NOC4L: variants seen among roughly 807,000 people sequenced by gnomAD.
The protein encoded by NOC4L is nucleolar complex protein 4 homolog.
A neutral mutation model predicts 62.8 loss-of-function variants in NOC4L; 40 were observed. That is an observed-to-expected ratio of 0.64 (90% confidence interval 0.49 to 0.83). NOC4L has a LOEUF of 0.83. Among genes scored for constraint, NOC4L ranks in the 40% least tolerant of loss-of-function variants. The probability of loss-of-function intolerance (pLI) is 0.00; values close to 1 mark genes in which losing one functional copy is unlikely to be tolerated. For missense variants in NOC4L, 927 were observed against 701.9 expected (o/e 1.32, Z -3.62); for synonymous variants, 433 against 299.8 (o/e 1.44, Z -4.59).
rs753378722 is a variant in NOC4L, at chr12:132,152,177, C to T, written c.1411C>T (p.Leu471=). 4 of 1,612,136 alleles carry T rather than the reference C, an allele frequency of 2.5e-6. No homozygotes were observed. In the South Asian group the frequency reaches 3.3e-5, roughly 13 times the overall value. The change falls in exon 14 of 15, where the codon CTG becomes TTG. Residue 471 remains leucine, a synonymous_variant. Transcript: ENST00000330579. ...GCCTGAGGTCAGCATCGCGCCACTG[C>T]TGGAGCTCACGGCCTACGAGGTGCG... ...SMPEVSIAPL[L]ELTAYEIFER...
chr12:132,146,687 GT>G (rs1404003173), intron 3 of NOC4L, among the ~76,000 whole-genome samples: 1 of 152,188 alleles, frequency 6.6e-6, no homozygotes, highest in African/African-American at 2.4e-5. Flanking sequence ...AAAATAACCA[GT>G]TTCCACCTTC....
At chr12:132,147,826 C>T in intron 5 of NOC4L, 44 bp downstream of exon 5, 4 of 1,610,654 alleles carry the variant, frequency 2.5e-6, no homozygotes, top group Non-Finnish European at 3.4e-6. Flanking sequence ...TGTTGCCTCC[C>T]AGGGAGGCAG....
At chr12:132,145,419 G>A (rs1331657482) in intron 2 of NOC4L, 140 bp from the exon 3 acceptor site, 2 of 601,558 alleles carry the variant, frequency 3.3e-6, no homozygotes, top group African/African-American at 3.7e-5. Context: ...CACAGGTCTG[G>A]GGGCCTTAGC....
In NOC4L at chr12:132,148,771, G is replaced by T; in HGVS notation, c.790-13G>T. ...CACCCGCCCCTCACCCCCACCTGCC[G>T]GCCCCCGCCCAGCTGCCCCTCAGCC... On this transcript the variant is annotated splice_polypyrimidine_tract_variant and intron_variant, in intron 8 of 14. Coordinates refer to ENST00000330579, the MANE Select transcript of NOC4L (RefSeq NM_024078.3). The T allele has an allele frequency of 1.7e-6, 1 of 603,204 alleles. No homozygotes were observed. The highest frequency in any genetic ancestry group is 4.4e-5 in the South Asian group (1 of 22,756). 37.4% of individuals were successfully genotyped at this position (603,204 alleles called of 1,614,324 possible).
In NOC4L at chr12:132,151,754, C is replaced by T; in HGVS notation, c.1251C>T (p.Pro417=). ...RPHGPELDAD[P]YDPGEEDPAQ... ...CATTCCTAGAGTTGGACGCCGACCCCTACGACCCTGGAGAGGAGGACCCAG... is the reference window on the plus strand; with the variant it reads ...CATTCCTAGAGTTGGACGCCGACCCTTACGACCCTGGAGAGGAGGACCCAG... The change falls in exon 13 of 15, where the codon CCC becomes CCT. Residue 417 remains proline (P), a synonymous_variant. Transcript: ENST00000330579. 1 of 1,612,408 alleles carries T rather than the reference C, an allele frequency of 6.2e-7. No homozygotes were observed. The highest frequency in any genetic ancestry group is 8.5e-7 in the Non-Finnish European group (1 of 1,179,832).
rs748977910 is a variant in NOC4L, at chr12:132,148,914, C to G, written c.901+19C>G. ...GACCTCGGTGAGTGCCGCCGCCTCGCTCACACCACACCCCTAATCCCCTCG... is the reference window on the plus strand; with the variant it reads ...GACCTCGGTGAGTGCCGCCGCCTCGGTCACACCACACCCCTAATCCCCTCG... On this transcript the variant is annotated intron_variant, in intron 9 of 14. Coordinates refer to ENST00000330579, the MANE Select transcript of NOC4L (RefSeq NM_024078.3). 1 of 1,070,842 alleles carries G rather than the reference C, an allele frequency of 9.3e-7. No individual in the cohort carries two copies. Among genetic ancestry groups the G allele is most frequent in the East Asian group, 2.4e-5 (1 of 41,166 alleles). The allele number at this position is 1,070,842 out of a possible 1,614,324, so 66.3% of individuals were successfully genotyped here.
Position 132,151,279 on chromosome 12 carries a change from G to T in NOC4L, c.984G>T (p.Arg328=). 6.2e-7 allele frequency: 1 copy of T among 1,611,888 alleles called. No homozygotes were observed. Among genetic ancestry groups the T allele is most frequent in the South Asian group, 1.1e-5 (1 of 91,084 alleles). ...KHNLEYPDFY[R]KLYGLLDPSV... is the part of the protein sequence containing the mutation. ...GCAGGGAGTACCCTGACTTCTACCGGAAGCTCTACGGCCTCTTGGACCCCT... is the reference window on the plus strand; with the variant it reads ...GCAGGGAGTACCCTGACTTCTACCGTAAGCTCTACGGCCTCTTGGACCCCT... Residue 328 remains arginine (R), a synonymous_variant, in exon 11 of 15, where the codon CGG becomes CGT. Transcript: ENST00000330579.
Position 132,151,550 on chromosome 12 carries a change from C to G in NOC4L, c.1140C>G (p.Pro380=). The G allele has an allele frequency of 1.2e-6, 2 of 1,609,430 alleles. No individual in the cohort carries two copies. The highest frequency in any genetic ancestry group is 1.7e-6 in the Non-Finnish European group (2 of 1,179,124). The change falls in exon 12 of 15, where the codon CCC becomes CCG. Residue 380 remains proline, a synonymous_variant. Transcript: ENST00000330579. ...KRLARLALTA[P]PEALLMVLPF... ...TGGCCCGCCTGGCCCTGACGGCTCC[C>G]CCTGAGGCCCTGCTCATGGTCCTGC...
At position 132,151,196 on chromosome 12, in the gene NOC4L, G is replaced by A. The variant is rs911983172; in HGVS notation, c.963-62G>A. 3.4e-6 allele frequency: 5 copies of A among 1,476,584 alleles called. No homozygotes were observed. The African/African-American group carries it at 6.9e-5, about 20-fold the overall frequency. 91.5% of individuals were successfully genotyped at this position (1,476,584 alleles called of 1,614,324 possible). ...GGAAGGGGCGCCGAGTGAGACCCTG[G>A]CCTTGGAGGCCTCAGTTCCCGGGCC... On this transcript the variant is annotated intron_variant, in intron 10 of 14. Coordinates refer to ENST00000330579, the MANE Select transcript of NOC4L (RefSeq NM_024078.3).
rs188638815 is a variant in NOC4L at position 132,147,500 on chromosome 12, A to G, written c.453+112A>G. 4.6e-5 allele frequency: 67 copies of G among 1,448,654 alleles called. No individual in the cohort carries two copies. In the East Asian group the frequency reaches 1.5e-3, roughly 33 times the overall value. The allele number at this position is 1,448,654 out of a possible 1,614,324, so 89.7% of individuals were successfully genotyped here. ...GCTGAGCCTGGCTGTTGGCTGGGACACTCCTGTGGCTCCTGTGGCCCACCC... is the reference window on the plus strand; with the variant it reads ...GCTGAGCCTGGCTGTTGGCTGGGACGCTCCTGTGGCTCCTGTGGCCCACCC... On this transcript the variant is annotated intron_variant, in intron 4 of 14. Coordinates refer to ENST00000330579, the MANE Select transcript of NOC4L (RefSeq NM_024078.3).
chr12:132,145,630 G>A lies in NOC4L; in HGVS notation c.310G>A (p.Gly104Arg), dbSNP rs779981406. The change falls in exon 3 of 15, where the codon GGA becomes AGA. Residue 104 changes from glycine to arginine, a missense_variant. By Grantham distance (125) the Gly-to-Arg change is moderately radical. Transcript: ENST00000330579. ...CTATCACAGCTGCTGCAATCGCTTG[G>A]GAGAGCTCCTGGGCCACCCCTCCTT... ...HRYHSCCNRL[G>R]ELLGHPSFQV... 51 of 1,613,536 alleles carry A rather than the reference G, an allele frequency of 3.2e-5. No individual in the cohort carries two copies. Among genetic ancestry groups the A allele is most frequent in the Non-Finnish European group, 4.3e-5 (51 of 1,179,890 alleles).
intron 10 of NOC4L, 30 bp from the exon 11 acceptor site, chr12:132,151,228 C>T (rs201265390): frequency 1.3e-6 from 2 of 1,577,702 alleles, no homozygotes; most frequent in Non-Finnish European, 1.7e-6. Context: ...GGCCCTGCTC[C>T]ATCCGCTGCT....
intron 3 of NOC4L, among the ~76,000 whole-genome samples, chr12:132,146,545 C>T (rs1260500900): frequency 6.6e-6 from 1 of 152,158 alleles, no homozygotes; most frequent in East Asian, 1.9e-4. Flanking sequence ...AGACTGTTTT[C>T]CATAGTAGCT....
rs576466306 is a variant in NOC4L at position 132,148,109 on chromosome 12, G to T, written c.738+3G>T. The T allele has an allele frequency of 2.5e-6, 4 of 1,613,316 alleles. No individual in the cohort carries two copies. Among genetic ancestry groups the T allele is most frequent in the Non-Finnish European group, 1.7e-6 (2 of 1,179,954 alleles). On this transcript the variant is annotated splice_donor_region_variant and intron_variant, in intron 7 of 14. Coordinates refer to ENST00000330579, the MANE Select transcript of NOC4L (RefSeq NM_024078.3). ...CCTGGAAGGTTGCTCACCTGAAGGT[G>T]AGTTGCTTCTGGAGAGCCGGGCACC...
intron 3 of NOC4L, among the ~76,000 whole-genome samples, chr12:132,146,798 T>C (rs1593427454): frequency 2.0e-5 from 3 of 152,182 alleles, no homozygotes; most frequent in Admixed American, 1.3e-4. Context: ...GACAGCCGTG[T>C]GCTCCTGTCA....
At position 132,148,822 on chromosome 12, in the gene NOC4L, G is replaced by A. The variant is rs759066417; in HGVS notation, c.828G>A (p.Val276=). The change falls in exon 9 of 15, where the codon GTG becomes GTA. Residue 276 remains valine, a synonymous_variant. Transcript: ENST00000330579. The part of the protein sequence containing the change: ...LSLYKKVLLI[V]HDAILPQLAQ... Reference sequence around the variant, plus strand: ...TCTACAAGAAGGTGCTGCTGATTGTGCATGACGCCATCCTGCCGCAGCTGG... The same window carrying A: ...TCTACAAGAAGGTGCTGCTGATTGTACATGACGCCATCCTGCCGCAGCTGG... The A allele has an allele frequency of 6.2e-6, 10 of 1,603,350 alleles. No homozygotes were observed. Among genetic ancestry groups the A allele is most frequent in the East Asian group, 4.5e-5 (2 of 44,660 alleles).
intron 4 of NOC4L, 27 bp from the exon 5 acceptor site, chr12:132,147,606 G>A (rs779753235): frequency 6.2e-7 from 1 of 1,610,634 alleles, no homozygotes; most frequent in South Asian, 1.1e-5. Flanking sequence ...GGGCCGGGCA[G>A]GGCTGCTCAC....
intron 10 of NOC4L, 94 bp downstream of exon 10, chr12:132,151,135 C>T (rs1048549839): frequency 8.7e-5 from 124 of 1,430,720 alleles, no homozygotes; most frequent in Non-Finnish European, 1.2e-4. Context: ...TCCCCGCTTT[C>T]CTCACAGGCC....
intron 10 of NOC4L, 103 bp downstream of exon 10, chr12:132,151,144 C>A (rs1433842975): frequency 7.0e-7 from 1 of 1,422,136 alleles, no homozygotes; most frequent in Non-Finnish European, 9.9e-7. Context: ...TCCTCACAGG[C>A]CATGGTGTTG....
Sources: allele counts gnomAD v4.1 joint callset (sites outside exome capture counted in the v4.1 genomes callset), GRCh38; gene constraint gnomAD v4.1.1; transcripts MANE v1.5; gene names NCBI Gene and HGNC (gene_info 2026-07-23, HGNC 2026-07-21).